NHLH2: variants seen among roughly 807,000 people sequenced by gnomAD.
NHLH2 encodes nescient helix-loop-helix 2, also known as helix-loop-helix protein 2.
Under a neutral mutation model 7.3 loss-of-function variants are expected in NHLH2, and 7 were observed. The observed-to-expected ratio is 0.96, with a 90% CI of 0.55 to 1.81. The LOEUF (loss-of-function observed/expected upper bound fraction) is 1.81, where lower values mean the gene tolerates loss of function less well. NHLH2 is among the 40% of genes most tolerant of loss of function. The pLI is 0.00. For synonymous variants in NHLH2, 93 were observed against 91.6 expected (o/e 1.01, Z -0.09); for missense variants, 155 against 194.0 (o/e 0.80, Z 1.19).
At chr1:115,835,515 A>T (rs143372212), downstream of NHLH2, among the ~76,000 whole-genome samples, 215 of 152,266 alleles carry the variant, frequency 1.4e-3, 1 homozygote, top group African/African-American at 5.0e-3. Context: ...TTCCTACTAT[A>T]CACCTTCATA....
downstream of NHLH2, among the ~76,000 whole-genome samples, chr1:115,834,059 C>G (rs573602412): frequency 1.3e-5 from 2 of 152,286 alleles, no homozygotes; most frequent in South Asian, 4.1e-4. Context: ...CAGAGTCCCC[C>G]ACTCCCACCC....
chr1:115,838,652 CGGGCCTGTGGCCCT>C (rs1650959689), intron 2 of NHLH2: 1 of 393,896 alleles, frequency 2.5e-6, no homozygotes, highest in Non-Finnish European at 4.6e-6. Flanking sequence ...ACGGCCACAG[CGGGCCTGTGGCCCT>C]GGGCCTGGGG....
downstream of NHLH2, among the ~76,000 whole-genome samples, chr1:115,832,587 G>A (rs1333959998): frequency 2.0e-5 from 3 of 152,204 alleles, no homozygotes; most frequent in Admixed American, 6.5e-5. Context: ...TCTTATGGAT[G>A]AAAATGGAGG....
At position 115,836,519 on chromosome 1, in the gene NHLH2, A is replaced by T. The variant is rs1218168750; in HGVS notation, c.*1446T>A. 6.6e-6 allele frequency: 1 copy of T among 152,628 alleles called. No homozygotes were observed. Among genetic ancestry groups the T allele is most frequent in the Non-Finnish European group, 1.5e-5 (1 of 68,016 alleles). 9.5% of individuals were successfully genotyped at this position (152,628 alleles called of 1,614,324 possible). A position where few individuals can be genotyped will look rare whatever the true frequency, so the allele number is the denominator to read the frequency against. On this transcript the variant is annotated 3_prime_UTR_variant, in exon 3 of 3. Transcript: ENST00000320238. ...GCAACAGAGACACAAAAAAACCCTG[A>T]AAAAGACTAAAATCTTTGGATAGCA...
chr1:115,831,581 C>G (rs1650752218), downstream of NHLH2, among the ~76,000 whole-genome samples: 1 of 152,152 alleles, frequency 6.6e-6, no homozygotes, highest in Non-Finnish European at 1.5e-5. Flanking sequence ...CACAGCTGAT[C>G]TAACCCACCT....
At chr1:115,833,661 C>T (rs989499352), downstream of NHLH2, among the ~76,000 whole-genome samples, 9 of 152,196 alleles carry the variant, frequency 5.9e-5, no homozygotes, top group African/African-American at 1.7e-4. Flanking sequence ...AAAGTACCTA[C>T]CTCACTGGGT....
downstream of NHLH2, among the ~76,000 whole-genome samples, chr1:115,834,287 C>T (rs748049700): frequency 1.3e-5 from 2 of 152,184 alleles, no homozygotes; most frequent in South Asian, 2.1e-4. Context: ...CAGTCTTGTC[C>T]GCTGGGCCAG....
In NHLH2 at chr1:115,838,335, T is replaced by C. The variant is rs770427837; in HGVS notation, c.38A>G (p.His13Arg). Reference protein sequence around the residue: ...LSPDQAADSDHPSSAHSDPES... With the variant: ...LSPDQAADSDRPSSAHSDPES... ...CGGATCCGAGTGCGCCGAGCTGGGATGGTCCGAATCTGCTGCTTGGTCCGG... is the reference window on the plus strand; with the variant it reads ...CGGATCCGAGTGCGCCGAGCTGGGACGGTCCGAATCTGCTGCTTGGTCCGG... Residue 13 changes from histidine (H) to arginine (R), a missense_variant, in exon 3 of 3, where the codon CAT becomes CGT. Around this residue, in one of 2 missense-constraint regions of NHLH2, gnomAD observed 91 missense variants for 86.6 expected, o/e 1.05. Transcript: ENST00000320238. 6.2e-7 allele frequency: 1 copy of C among 1,609,596 alleles called. No homozygotes were observed. Among genetic ancestry groups the C allele is most frequent in the South Asian group, 1.1e-5 (1 of 90,914 alleles).
chr1:115,831,645 G>A (rs1033212703), downstream of NHLH2, among the ~76,000 whole-genome samples: 3 of 150,070 alleles, frequency 2.0e-5, no homozygotes, highest in African/African-American at 7.4e-5. Flanking sequence ...CTGGCTGGGC[G>A]CGGTGGCTCA....
In NHLH2 at chr1:115,840,235, TAATCTGTTCTCC is replaced by T. The variant is rs1314447440; in HGVS notation, c.-40_-29del. Reference sequence around the variant, plus strand: ...TCTTACCTTGCAAAAGCCTTTTTGATAATCTGTTCTCCAATCTTTAGAGTTAAAATTCCAAGG... The same window carrying T: ...TCTTACCTTGCAAAAGCCTTTTTGATAATCTTTAGAGTTAAAATTCCAAGG... On this transcript the variant is annotated 5_prime_UTR_variant, in exon 2 of 3. Coordinates refer to ENST00000320238, the MANE Select transcript of NHLH2 (RefSeq NM_005599.3). 1 of 167,106 alleles carries T rather than the reference TAATCTGTTCTCC, an allele frequency of 6.0e-6. No homozygotes were observed. Among genetic ancestry groups the T allele is most frequent in the Non-Finnish European group, 1.5e-5 (1 of 68,128 alleles). The allele number at this position is 167,106 out of a possible 1,614,324, so 10.4% of individuals were successfully genotyped here. A position where few individuals can be genotyped will look rare whatever the true frequency, so the allele number is the denominator to read the frequency against.
rs1650919455 is a variant in NHLH2, at chr1:115,837,780, G to A, written c.*185C>T. On this transcript the variant is annotated 3_prime_UTR_variant, in exon 3 of 3. Transcript: ENST00000320238. ...CCAGACAACCCCACCTGCCTGCGTC[G>A]GAAACCTTCCCTCGTCGCCCTGCTG... 3 of 648,512 alleles carry A rather than the reference G, an allele frequency of 4.6e-6. No individual in the cohort carries two copies. Among genetic ancestry groups the A allele is most frequent in the South Asian group, 4.4e-5 (2 of 45,526 alleles). The allele number at this position is 648,512 out of a possible 1,614,324, so 40.2% of individuals were successfully genotyped here.
At chr1:115,836,095 AG>A (rs1005174832), downstream of NHLH2, among the ~76,000 whole-genome samples, 5 of 152,160 alleles carry the variant, frequency 3.3e-5, no homozygotes, top group Admixed American at 3.3e-4. Context: ...TTTCTTTTAG[AG>A]GCAAAGAATC....
downstream of NHLH2, among the ~76,000 whole-genome samples, chr1:115,831,924 C>A (rs78667993): frequency 3.1e-4 from 43 of 137,218 alleles, no homozygotes; most frequent in African/African-American, 4.9e-4. Context: ...GACTTGGTCT[C>A]AAAAAAAAAA....
chr1:115,838,616 A>G lies in NHLH2; in HGVS notation c.-8-236T>C, dbSNP rs115177107. The G allele has an allele frequency of 2.0e-3, 864 of 441,934 alleles. 9 individuals carry two copies. Among genetic ancestry groups the G allele is most frequent in the African/African-American group, 0.017 (807 of 47,548 alleles). The allele number at this position is 441,934 out of a possible 1,614,324, so 27.4% of individuals were successfully genotyped here. ...GGGACGCGGTTGACCCAGGCCGCATACTAGACTGGACACCTCGACTTGCAG... is the reference window on the plus strand; with the variant it reads ...GGGACGCGGTTGACCCAGGCCGCATGCTAGACTGGACACCTCGACTTGCAG... On this transcript the variant is annotated intron_variant, in intron 2 of 2. Coordinates refer to ENST00000320238, the MANE Select transcript of NHLH2 (RefSeq NM_005599.3).
downstream of NHLH2, among the ~76,000 whole-genome samples, chr1:115,835,262 G>C (rs1440759073): frequency 6.6e-6 from 1 of 152,164 alleles, no homozygotes; most frequent in Non-Finnish European, 1.5e-5. Context: ...GGTTTCCAGA[G>C]GTTAGAAGTT....
At chr1:115,836,195 T>C (rs933662809), downstream of NHLH2, among the ~76,000 whole-genome samples, 2 of 152,202 alleles carry the variant, frequency 1.3e-5, no homozygotes, top group Non-Finnish European at 2.9e-5. Flanking sequence ...AGGGCATCTA[T>C]TTATGGGACT....
chr1:115,838,416 A>C (rs1216586704), intron 2 of NHLH2, 36 bp from the exon 3 acceptor site: 1 of 1,598,320 alleles, frequency 6.3e-7, no homozygotes. Context: ...AGTAAAAGGA[A>C]TCAGGGTATT....
At chr1:115,831,778 T>C (rs1891509), downstream of NHLH2, among the ~76,000 whole-genome samples, 49,458 of 151,762 alleles carry the variant, frequency 0.33, 8,423 homozygotes, top group African/African-American at 0.43. Context: ...AAAAATTAGC[T>C]GGGCATGGTG....
chr1:115,835,813 T>C (rs150512482), downstream of NHLH2, among the ~76,000 whole-genome samples: 1,926 of 151,978 alleles, frequency 0.013, 28 homozygotes, highest in Middle Eastern at 0.037. Flanking sequence ...TTTGCAGATG[T>C]CATTCTTCTT....
Sources: allele counts gnomAD v4.1 joint callset (sites outside exome capture counted in the v4.1 genomes callset), GRCh38; gene constraint gnomAD v4.1.1; regional missense constraint gnomAD v4.1.1; transcripts MANE v1.5; gene names NCBI Gene and HGNC (gene_info 2026-07-23, HGNC 2026-07-21).